The following AGBL1 variants were observed in gnomAD, a reference collection of about 807,000 sequenced individuals.
AGBL1 encodes the protein cytosolic carboxypeptidase 4.
A neutral mutation model predicts 118.9 loss-of-function variants in AGBL1; 130 were observed. That is an observed-to-expected ratio of 1.09 (90% CI 0.95 to 1.26). AGBL1 has a LOEUF of 1.26. AGBL1 is among the 50% of genes most tolerant of loss of function. The pLI is 0.00. For synonymous variants in AGBL1, 555 were observed against 478.9 expected, an observed-to-expected ratio of 1.16 and a Z score of -2.08; for missense variants, 1,584 against 1,298.1, an observed-to-expected ratio of 1.22 and a Z score of -3.38.
intron 16 of AGBL1, among the ~76,000 whole-genome samples, chr15:86,292,606 G>A (rs748751229): frequency 3.3e-5 from 5 of 152,124 alleles, no homozygotes; most frequent in Non-Finnish European, 7.3e-5. Flanking sequence ...TGTCTCAAAG[G>A]GCAGAGGGCA....
chr15:87,031,461 A>AT (rs372512423), downstream of AGBL1, among the ~76,000 whole-genome samples: 1,091 of 144,064 alleles, frequency 7.6e-3, 14 homozygotes, highest in African/African-American at 0.027. Flanking sequence ...ATGTCAAATG[A>AT]TTTTTTCTTT....
chr15:86,986,203 C>T (rs185267144), intron 23 of AGBL1, among the ~76,000 whole-genome samples: 3 of 152,116 alleles, frequency 2.0e-5, no homozygotes, highest in Non-Finnish European at 2.9e-5. Flanking sequence ...GGATTACAGG[C>T]GTGAGCCACG....
At chr15:86,514,924 C>G (rs888751621) in intron 18 of AGBL1, among the ~76,000 whole-genome samples, 4 of 152,138 alleles carry the variant, frequency 2.6e-5, no homozygotes. Flanking sequence ...AACTCCACAT[C>G]CTAAAAATTA....
chr15:86,141,570 G>A (rs1264447039), intron 1 of AGBL1, among the ~76,000 whole-genome samples: 1 of 152,180 alleles, frequency 6.6e-6, no homozygotes, highest in Admixed American at 6.5e-5. Flanking sequence ...AGAACTGCTT[G>A]AACCCGGGAG....
At chr15:86,333,833 T>C (rs2080314767) in intron 17 of AGBL1, among the ~76,000 whole-genome samples, 1 of 152,140 alleles carries the variant, frequency 6.6e-6, no homozygotes, top group Non-Finnish European at 1.5e-5. Context: ...AAGTTAATTC[T>C]CCATGATCAA....
intron 15 of AGBL1, among the ~76,000 whole-genome samples, chr15:86,274,728 C>G (rs1459662937): frequency 3.9e-5 from 6 of 152,104 alleles, no homozygotes; most frequent in African/African-American, 1.4e-4. Flanking sequence ...GATTGCTGTA[C>G]CATCATCTAG....
At chr15:86,802,483 C>A (rs540362561) in intron 22 of AGBL1, among the ~76,000 whole-genome samples, 1 of 152,212 alleles carries the variant, frequency 6.6e-6, no homozygotes, top group Admixed American at 6.5e-5. Context: ...AAAGTAGAAC[C>A]ATGTTGCAAT....
intron 20 of AGBL1, among the ~76,000 whole-genome samples, chr15:86,547,595 GT>G (rs1480168742): frequency 6.6e-6 from 1 of 152,130 alleles, no homozygotes; most frequent in Non-Finnish European, 1.5e-5. Context: ...GCCCAGATTA[GT>G]GTCAGTTAAG....
In AGBL1 at chr15:86,711,461, T is replaced by C. The variant is rs142026970; in HGVS notation, c.3158+37025T>C. Among the ~76,000 whole-genome samples the C allele has an allele frequency of 1.7e-3, 265 of 152,316 alleles. 3 individuals carry two copies. In the East Asian group the frequency reaches 0.022, roughly 13 times the overall value. On this transcript the variant is annotated intron_variant, in intron 22 of 22. Coordinates refer to ENST00000614907, the MANE Select transcript of AGBL1 (RefSeq NM_001386094.1). ...AGCATTATTGGGTGCTTTTCTTGTT[T>C]ATAGCATTTGTGTCCATGCTTAGTC...
In AGBL1 at chr15:86,845,210, T is replaced by C. The variant is rs116855464; in HGVS notation, c.3159-61877T>C. Among the ~76,000 whole-genome samples, 169 of 152,278 alleles carry C rather than the reference T, an allele frequency of 1.1e-3. 4 individuals are homozygous for C. In the East Asian group the frequency reaches 0.029, roughly 26 times the overall value. ...CAAAAGGTCTGTTGAGATTATGATA[T>C]ATATCACTTCGAATGTATAAATCAG... On this transcript the variant is annotated intron_variant, in intron 22 of 22. Transcript: ENST00000614907.
At chr15:86,392,300 T>C (rs2081299576) in intron 17 of AGBL1, among the ~76,000 whole-genome samples, 1 of 152,200 alleles carries the variant, frequency 6.6e-6, no homozygotes. Flanking sequence ...CATTCTGTTT[T>C]GCATATTATT....
chr15:86,505,843 T>A (rs1428395409), intron 18 of AGBL1, among the ~76,000 whole-genome samples: 1 of 152,042 alleles, frequency 6.6e-6, no homozygotes, highest in Non-Finnish European at 1.5e-5. Context: ...GTTTTTTTAA[T>A]ATCTCATAAA....
intron 5 of AGBL1, among the ~76,000 whole-genome samples, chr15:86,211,194 T>C (rs2078091200): frequency 6.6e-6 from 1 of 152,216 alleles, no homozygotes; most frequent in Non-Finnish European, 1.5e-5. Context: ...TGCTGCCTGT[T>C]CCTTCCTCTG....
At chr15:86,107,861 C>G (rs1008068993) in intron 1 of AGBL1, among the ~76,000 whole-genome samples, 1 of 152,182 alleles carries the variant, frequency 6.6e-6, no homozygotes, top group Non-Finnish European at 1.5e-5. Flanking sequence ...GAGAGCTTCT[C>G]AAAGCCTGGT....
intron 17 of AGBL1, among the ~76,000 whole-genome samples, chr15:86,339,171 T>C (rs1010628344): frequency 3.3e-5 from 5 of 152,238 alleles, no homozygotes; most frequent in East Asian, 1.9e-4. Context: ...TTGAAGAATA[T>C]TGTGCCACTT....
At chr15:86,749,631 G>T (rs1287365240) in intron 22 of AGBL1, among the ~76,000 whole-genome samples, 1 of 152,158 alleles carries the variant, frequency 6.6e-6, no homozygotes, top group African/African-American at 2.4e-5. Context: ...CATTCAGTTT[G>T]ATATTGGCTG....
intron 23 of AGBL1, among the ~76,000 whole-genome samples, chr15:86,937,733 A>T (rs2080693814): frequency 6.6e-6 from 1 of 152,224 alleles, no homozygotes; most frequent in Non-Finnish European, 1.5e-5. Context: ...AATAATCTGT[A>T]CAACAAACCC....
chr15:86,566,247 GTTCCTGTTT>G (rs1325764092), intron 21 of AGBL1, among the ~76,000 whole-genome samples: 2 of 152,204 alleles, frequency 1.3e-5, no homozygotes, highest in Non-Finnish European at 2.9e-5. Flanking sequence ...GACTGGAGCT[GTTCCTGTTT>G]GGCCATCTTG....
At chr15:86,926,829 T>C (rs2080546138) in intron 23 of AGBL1, among the ~76,000 whole-genome samples, 2 of 152,190 alleles carry the variant, frequency 1.3e-5, no homozygotes, top group Admixed American at 6.5e-5. Context: ...TTTAGAACTA[T>C]TGCATTGACC....
Sources: gnomAD v4.1 joint callset for allele counts (sites outside exome capture counted in the v4.1 genomes callset) on GRCh38, gnomAD v4.1.1 for gene constraint, MANE v1.5 for transcripts, NCBI Gene and HGNC (gene_info 2026-07-23, HGNC 2026-07-21) for gene names.